BZW2: variants seen among roughly 807,000 people sequenced by gnomAD.
BZW2 encodes basic leucine zipper and W2 domains 2.
BZW2 carries 23 observed loss-of-function variants against 53.2 expected under a neutral mutation model. That is an observed-to-expected ratio of 0.43 (90% CI 0.31 to 0.61). The LOEUF (loss-of-function observed/expected upper bound fraction) is 0.61. BZW2 is among the 20% of genes least tolerant of loss of function. BZW2 has a pLI of 0.09. For missense variants in BZW2, 409 were observed against 503.1 expected, an observed-to-expected ratio of 0.81 and a Z score of 1.79; for synonymous variants, 227 against 186.4, an observed-to-expected ratio of 1.22 and a Z score of -1.77.
chr7:16,653,745 AT>A (rs1782045304), intron 1 of BZW2, among the ~76,000 whole-genome samples: 1 of 152,124 alleles, frequency 6.6e-6, no homozygotes, highest in Non-Finnish European at 1.5e-5. Context: ...ATGCATAGGC[AT>A]TTTCTAAAAG....
At chr7:16,667,935 C>A (rs897380298) in intron 2 of BZW2, among the ~76,000 whole-genome samples, 4 of 152,134 alleles carry the variant, frequency 2.6e-5, no homozygotes, top group African/African-American at 9.7e-5. Flanking sequence ...AAGTGCTAAC[C>A]AGAATTCATT....
intron 7 of BZW2, among the ~76,000 whole-genome samples, chr7:16,693,138 T>A (rs965832318): frequency 2.0e-5 from 3 of 152,274 alleles, no homozygotes; most frequent in South Asian, 2.1e-4. Flanking sequence ...CTCAACAGGA[T>A]CACTCTTGCT....
chr7:16,673,551 A>G (rs960038069), intron 2 of BZW2, among the ~76,000 whole-genome samples: 2 of 152,174 alleles, frequency 1.3e-5, no homozygotes, highest in African/African-American at 2.4e-5. Flanking sequence ...AATAAATACT[A>G]TAAAATGTTT....
intron 3 of BZW2, among the ~76,000 whole-genome samples, chr7:16,678,156 G>A (rs1172870991): frequency 1.7e-5 from 2 of 119,272 alleles, no homozygotes; most frequent in East Asian, 2.8e-4. Flanking sequence ...TGCAACTTCC[G>A]CCTCCTGGAA....
chr7:16,674,176 A>G (rs2128358440), intron 2 of BZW2, among the ~76,000 whole-genome samples: 1 of 152,360 alleles, frequency 6.6e-6, no homozygotes, highest in East Asian at 1.9e-4. Context: ...CTGGGATTAC[A>G]GGCGTGAGCC....
At chr7:16,672,848 A>G (rs896046338) in intron 2 of BZW2, among the ~76,000 whole-genome samples, 3 of 152,098 alleles carry the variant, frequency 2.0e-5, no homozygotes, top group African/African-American at 4.8e-5. Context: ...CAGTCACCAC[A>G]CCAAACTACT....
intron 1 of BZW2, among the ~76,000 whole-genome samples, chr7:16,654,601 C>G (rs182907565): frequency 5.5e-4 from 81 of 146,760 alleles, no homozygotes; most frequent in African/African-American, 2.0e-3. Context: ...GTGGCATGAT[C>G]TTGGCTCACT....
intron 10 of BZW2, among the ~76,000 whole-genome samples, chr7:16,703,326 A>G (rs1232501152): frequency 6.6e-6 from 1 of 152,186 alleles, no homozygotes; most frequent in Non-Finnish European, 1.5e-5. Context: ...TTTTATTTTC[A>G]TAAACAAATC....
chr7:16,686,327 C>A (rs777650262), intron 6 of BZW2: 19 of 314,184 alleles, frequency 6.0e-5, no homozygotes, highest in Non-Finnish European at 1.0e-4. Context: ...GGTCAAATAC[C>A]CCGAAATCGA....
At chr7:16,678,353 C>G (rs1418451558) in intron 3 of BZW2, among the ~76,000 whole-genome samples, 4 of 151,956 alleles carry the variant, frequency 2.6e-5, no homozygotes. Flanking sequence ...CCCCATTGTT[C>G]TTAAAATAGC....
intron 4 of BZW2, 113 bp downstream of exon 4, chr7:16,681,517 T>A: frequency 1.2e-6 from 1 of 864,776 alleles, no homozygotes; most frequent in Non-Finnish European, 1.8e-6. Context: ...TTTAAACTTA[T>A]GAAAATAATG....
intron 3 of BZW2, among the ~76,000 whole-genome samples, chr7:16,677,267 TTAC>T (rs1782795359): frequency 6.6e-6 from 1 of 152,300 alleles, no homozygotes; most frequent in South Asian, 2.1e-4. Flanking sequence ...TGAGCTCTCT[TTAC>T]TACCTGATTG....
At chr7:16,703,687 A>T (rs953888092) in intron 10 of BZW2, among the ~76,000 whole-genome samples, 1 of 152,206 alleles carries the variant, frequency 6.6e-6, no homozygotes, top group Non-Finnish European at 1.5e-5. Flanking sequence ...CATTAGAAGA[A>T]TGTTAGAACA....
intron 2 of BZW2, among the ~76,000 whole-genome samples, chr7:16,667,578 G>A (rs897912070): frequency 6.6e-6 from 1 of 152,076 alleles, no homozygotes; most frequent in Non-Finnish European, 1.5e-5. Flanking sequence ...TCACGTAGAC[G>A]GAAAAGAAAT....
chr7:16,670,714 T>A (rs1020671235), intron 2 of BZW2, among the ~76,000 whole-genome samples: 5 of 152,196 alleles, frequency 3.3e-5, no homozygotes, highest in Admixed American at 6.5e-5. Flanking sequence ...CTCCACCTAA[T>A]GTATTCCTCT....
At chr7:16,673,329 C>T (rs1782667667) in intron 2 of BZW2, among the ~76,000 whole-genome samples, 1 of 152,136 alleles carries the variant, frequency 6.6e-6, no homozygotes, top group Non-Finnish European at 1.5e-5. Flanking sequence ...AAATCAAAAC[C>T]ATTTTTATAA....
chr7:16,693,590 C>T (rs977163013), intron 7 of BZW2, among the ~76,000 whole-genome samples: 2 of 152,016 alleles, frequency 1.3e-5, no homozygotes, highest in African/African-American at 4.8e-5. Flanking sequence ...CTTGGTTTAC[C>T]GTCTAGAAAA....
chr7:16,650,853 G>C (rs1781968135), intron 1 of BZW2, among the ~76,000 whole-genome samples: 1 of 152,178 alleles, frequency 6.6e-6, no homozygotes, highest in Admixed American at 6.5e-5. Flanking sequence ...TAAGTGAAGA[G>C]TGCCAAAATT....
At chr7:16,679,233 A>G (rs2128360791) in intron 3 of BZW2, among the ~76,000 whole-genome samples, 2 of 152,340 alleles carry the variant, frequency 1.3e-5, no homozygotes, top group Middle Eastern at 6.8e-3. Flanking sequence ...TGAAATCTTC[A>G]CAATTTATGT....
Sources: gnomAD v4.1 joint callset for allele counts (sites outside exome capture counted in the v4.1 genomes callset) on GRCh38, gnomAD v4.1.1 for gene constraint, MANE v1.5 for transcripts, NCBI Gene and HGNC (gene_info 2026-07-23, HGNC 2026-07-21) for gene names.